NSD2: variants seen among roughly 807,000 people sequenced by gnomAD.
NSD2 encodes the protein histone-lysine N-methyltransferase NSD2.
Under a neutral mutation model 139.0 loss-of-function variants are expected in NSD2, and 12 were observed. That is an observed-to-expected ratio of 0.09 (90% CI 0.06 to 0.14). The LOEUF is 0.14. Among genes scored for constraint, NSD2 ranks in the 10% least tolerant of loss-of-function variants. The pLI is 1.00. For missense variants in NSD2, 1,155 were observed against 1,745.0 expected, an observed-to-expected ratio of 0.66 and a Z score of 6.02; for synonymous variants, 669 against 648.7, an observed-to-expected ratio of 1.03 and a Z score of -0.48.
At chr4:1,933,489 A>G (rs1235560290) in intron 6 of NSD2, among the ~76,000 whole-genome samples, 1 of 152,080 alleles carries the variant, frequency 6.6e-6, no homozygotes, top group Non-Finnish European at 1.5e-5. Context: ...TGGCGGGTTC[A>G]TGCCATTCTC....
At chr4:1,971,186 C>T (rs941582209) in intron 18 of NSD2, among the ~76,000 whole-genome samples, 3 of 152,062 alleles carry the variant, frequency 2.0e-5, no homozygotes, top group Non-Finnish European at 4.4e-5. Flanking sequence ...TAGGGAGACC[C>T]TGTCTCAATT....
chr4:1,903,732 A>T (rs1022880826), intron 2 of NSD2, among the ~76,000 whole-genome samples: 53 of 136,624 alleles, frequency 3.9e-4, no homozygotes, highest in African/African-American at 1.4e-3. Context: ...TGAGAGAGAA[A>T]TTTTTTTTTT....
intron 5 of NSD2, among the ~76,000 whole-genome samples, chr4:1,925,791 T>C (rs180730979): frequency 6.6e-6 from 1 of 151,542 alleles, no homozygotes; most frequent in Non-Finnish European, 1.5e-5. Flanking sequence ...TGTTTGTTTG[T>C]TTGTTTGTTT....
chr4:1,942,761 T>A lies in NSD2; in HGVS notation c.1881+2983T>A. On this transcript the variant is annotated intron_variant, in intron 9 of 21. Transcript: ENST00000508803. This position sits in a 1 kb window ranked among gnomAD's most constrained non-coding sequence, Gnocchi z 4.0. Reference sequence around the variant, plus strand: ...GCTTCTCCTCTAGTTTGTAACTTACTGGACTTTTGTGGAAAATATCAGCGT... The same window carrying A: ...GCTTCTCCTCTAGTTTGTAACTTACAGGACTTTTGTGGAAAATATCAGCGT... 2 of 1,083,944 alleles carry A rather than the reference T, an allele frequency of 1.8e-6. No homozygotes were observed. Among genetic ancestry groups the A allele is most frequent in the Non-Finnish European group, 2.2e-6 (2 of 889,960 alleles). 67.1% of individuals were successfully genotyped at this position (1,083,944 alleles called of 1,614,324 possible).
At position 1,875,280 on chromosome 4, in the gene NSD2, CTTTTTTTT is replaced by C. The variant is rs749123768; in HGVS notation, c.-30+3750_-30+3757del. Among the ~76,000 whole-genome samples the C allele has an allele frequency of 3.9e-5, 5 of 126,610 alleles. 1 individual carries two copies. The highest frequency in any genetic ancestry group is 1.2e-4 in the African/African-American group (4 of 34,544). 83.1% of individuals were successfully genotyped at this position (126,610 alleles called of 152,430 possible). ...GGCCAAGTTGCAGTATAGCTTTTTACTTTTTTTTTTTTTTTTTTTGGGACAGGGTTTTG... is the reference window on the plus strand; with the variant it reads ...GGCCAAGTTGCAGTATAGCTTTTTACTTTTTTTTTTTGGGACAGGGTTTTG... On this transcript the variant is annotated intron_variant, in intron 1 of 21. Transcript: ENST00000508803.
At chr4:1,941,383 T>G (rs1045762430) in intron 9 of NSD2, 1 of 1,050,648 alleles carries the variant, frequency 9.5e-7, no homozygotes, top group African/African-American at 1.7e-5. Context: ...CTGTTATTCC[T>G]GATCCTAAGT....
At chr4:1,903,118 C>G (rs1447076444) in intron 2 of NSD2, among the ~76,000 whole-genome samples, 3 of 152,218 alleles carry the variant, frequency 2.0e-5, no homozygotes, top group African/African-American at 7.2e-5. Flanking sequence ...TGTGGCAGCT[C>G]ATGCCAGGCT....
At chr4:1,889,614 TC>T (rs1715378620) in intron 1 of NSD2, among the ~76,000 whole-genome samples, 1 of 151,794 alleles carries the variant, frequency 6.6e-6, no homozygotes, top group African/African-American at 2.4e-5. Flanking sequence ...CGATTCTCCT[TC>T]CTCAGCCTCC....
chr4:1,939,503 G>T (rs1408005253), intron 8 of NSD2, 151 bp from the exon 9 acceptor site: 2 of 828,888 alleles, frequency 2.4e-6, no homozygotes, highest in East Asian at 2.7e-5. Context: ...TTTATGTTCA[G>T]ATTTTTCCAT....
In NSD2 at chr4:1,951,125, C is replaced by T. The variant is rs138013159; in HGVS notation, c.1935C>T (p.Asp645=). The change falls in exon 10 of 22, where the codon GAC becomes GAT. Residue 645 remains aspartate (D), a synonymous_variant. Coordinates refer to ENST00000508803, the MANE Select transcript of NSD2 (RefSeq NM_001042424.3). ...CGGAGTCCCCATACGAAAGTGCAGA[C>T]GAAACACAAACTGAAGTATCTGTCT... ...EPSESPYESA[D]ETQTEVSVSS... is the part of the protein sequence containing the mutation. 55 of 1,614,208 alleles carry T rather than the reference C, an allele frequency of 3.4e-5. No homozygotes were observed. The African/African-American group carries it at 5.5e-4, about 16-fold the overall frequency.
Position 1,972,926 on chromosome 4 carries a change from C to T in NSD2, c.3373-1937C>T, listed in dbSNP as rs1260465347. The stretch of plus-strand genomic sequence containing the variant: ...GGAGTTCAGTGGCACAATCTCAGCT[C>T]ACTGCACCCTCTGCCTCACAGGTTC... On this transcript the variant is annotated intron_variant, in intron 18 of 21. Transcript: ENST00000508803. The surrounding 1 kb of genome is among the most constrained non-coding windows in gnomAD (Gnocchi z 4.0). Among the ~76,000 whole-genome samples the T allele has an allele frequency of 6.6e-6, 1 of 152,128 alleles. No individual in the cohort carries two copies. Among genetic ancestry groups the T allele is most frequent in the East Asian group, 1.9e-4 (1 of 5,188 alleles).
chr4:1,970,007 C>T, intron 18 of NSD2, among the ~76,000 whole-genome samples: 1 of 152,066 alleles, frequency 6.6e-6, no homozygotes, highest in East Asian at 1.9e-4. Context: ...GGGGAGTGAG[C>T]AGAGTGCAGC....
At chr4:1,882,618 C>T (rs935993484) in intron 1 of NSD2, among the ~76,000 whole-genome samples, 8 of 152,002 alleles carry the variant, frequency 5.3e-5, no homozygotes, top group African/African-American at 1.2e-4. Flanking sequence ...GAGCTGAGAT[C>T]GCGCCACTGC....
intron 3 of NSD2, among the ~76,000 whole-genome samples, chr4:1,907,049 C>T (rs1490245038): frequency 1.3e-5 from 2 of 152,138 alleles, no homozygotes; most frequent in African/African-American, 4.8e-5. Context: ...GTGTTACTCT[C>T]TGCGGTTGAG....
intron 6 of NSD2, among the ~76,000 whole-genome samples, chr4:1,932,090 A>G (rs929166638): frequency 3.9e-5 from 6 of 152,198 alleles, no homozygotes; most frequent in African/African-American, 1.4e-4. Context: ...GGTGCTAACA[A>G]CTAGGATGGC....
chr4:1,953,903 C>A (rs1049096018), intron 12 of NSD2, among the ~76,000 whole-genome samples: 1 of 151,150 alleles, frequency 6.6e-6, no homozygotes, highest in East Asian at 1.9e-4. Flanking sequence ...GCTGTCCTCT[C>A]GGGCTCAAGC....
At position 1,942,789 on chromosome 4, in the gene NSD2, C is replaced by G; in HGVS notation, c.1881+3011C>G. 9.3e-7 allele frequency: 1 copy of G among 1,079,782 alleles called. No individual in the cohort carries two copies. Among genetic ancestry groups the G allele is most frequent in the African/African-American group, 1.6e-5 (1 of 61,396 alleles). The allele number at this position is 1,079,782 out of a possible 1,614,324, so 66.9% of individuals were successfully genotyped here. The stretch of plus-strand genomic sequence containing the variant: ...ACTTTTGTGGAAAATATCAGCGTCG[C>G]TACCCTCAGAAACAAACTAACAGCA... On this transcript the variant is annotated intron_variant, in intron 9 of 21. Coordinates refer to ENST00000508803, the MANE Select transcript of NSD2 (RefSeq NM_001042424.3). The surrounding 1 kb of genome is among the most constrained non-coding windows in gnomAD (Gnocchi z 4.0).
At chr4:1,872,623 A>C (rs1027255185) in intron 1 of NSD2, among the ~76,000 whole-genome samples, 5 of 143,934 alleles carry the variant, frequency 3.5e-5, no homozygotes, top group African/African-American at 1.0e-4. Flanking sequence ...AGAGAGAGAG[A>C]GAGAGAGAGA....
intron 3 of NSD2, among the ~76,000 whole-genome samples, chr4:1,906,775 C>T (rs1006008653): frequency 1.4e-5 from 2 of 147,952 alleles, no homozygotes; most frequent in African/African-American, 5.0e-5. Context: ...ATTCTTGTGT[C>T]TCAGCTTCCT....
Sources: allele counts gnomAD v4.1 joint callset (sites outside exome capture counted in the v4.1 genomes callset), GRCh38; gene constraint gnomAD v4.1.1; non-coding constraint Gnocchi (gnomAD v3.1); transcripts MANE v1.5; gene names NCBI Gene and HGNC (gene_info 2026-07-23, HGNC 2026-07-21).